The following GFPT2 variants were observed in gnomAD, a reference collection of about 807,000 sequenced individuals.
The protein encoded by GFPT2 is glutamine--fructose-6-phosphate transaminase 2, also known as glutamine--fructose-6-phosphate aminotransferase [isomerizing] 2.
In GFPT2, 62 loss-of-function variants were observed where a neutral mutation model predicts 85.6. The observed-to-expected ratio is 0.72, with a 90% CI of 0.59 to 0.90. GFPT2 has a LOEUF of 0.90. Ranked by LOEUF, GFPT2 falls within the 40% of genes least tolerant of loss-of-function variation. The pLI is 0.00. For missense variants in GFPT2, 788 were observed against 893.4 expected, an observed-to-expected ratio of 0.88 and a Z score of 1.50; for synonymous variants, 368 against 344.5, an observed-to-expected ratio of 1.07 and a Z score of -0.75.
intron 13 of GFPT2, among the ~76,000 whole-genome samples, chr5:180,315,942 C>T (rs1304916871): frequency 1.3e-5 from 2 of 152,258 alleles, no homozygotes; most frequent in African/African-American, 2.4e-5. Context: ...AGAGCCCATA[C>T]TGGGTCCTCC....
intron 1 of GFPT2, among the ~76,000 whole-genome samples, chr5:180,347,623 G>C (rs1764634533): frequency 6.6e-6 from 1 of 151,948 alleles, no homozygotes; most frequent in Non-Finnish European, 1.5e-5. Context: ...GATCACACAG[G>C]AAGTCAGGAG....
chr5:180,346,124 C>T (rs1038111640), intron 1 of GFPT2, among the ~76,000 whole-genome samples: 8 of 152,112 alleles, frequency 5.3e-5, no homozygotes, highest in African/African-American at 1.4e-4. Flanking sequence ...CAACCCTTCC[C>T]GAGCTTCACC....
At position 180,301,369 on chromosome 5, in the gene GFPT2, G is replaced by A. The variant is rs577128473; in HGVS notation, c.*195C>T. 11 of 611,886 alleles carry A rather than the reference G, an allele frequency of 1.8e-5. No homozygotes were observed. Among genetic ancestry groups the A allele is most frequent in the African/African-American group, 5.5e-5 (3 of 54,378 alleles). The allele number at this position is 611,886 out of a possible 1,614,324, so 37.9% of individuals were successfully genotyped here. A position where few individuals can be genotyped will look rare whatever the true frequency, so the allele number is the denominator to read the frequency against. On this transcript the variant is annotated 3_prime_UTR_variant, in exon 19 of 19. Coordinates refer to ENST00000253778, the MANE Select transcript of GFPT2 (RefSeq NM_005110.4). ...AACAATGATTCCCTTCTCCTCTGGC[G>A]ACTTCAGGACACAGAGAAACAGTAT...
chr5:180,350,905 C>T (rs543155643), intron 1 of GFPT2, among the ~76,000 whole-genome samples: 2 of 152,190 alleles, frequency 1.3e-5, no homozygotes, highest in African/African-American at 2.4e-5. Flanking sequence ...CTTAGGTCTC[C>T]GCCCCTGAGG....
Position 180,318,975 on chromosome 5 carries a change from G to C in GFPT2, c.795-19C>G, listed in dbSNP as rs1288735937. On this transcript the variant is annotated intron_variant, in intron 9 of 18. Transcript: ENST00000253778. The surrounding 1 kb of genome is among the most constrained non-coding windows in gnomAD (Gnocchi z 4.2). The stretch of plus-strand genomic sequence containing the variant: ...GATAGCGCTGGGGCAAGGGAAACAG[G>C]CATCATCAGTGCCCTGCCCTGAGCA... 6.2e-7 allele frequency: 1 copy of C among 1,609,326 alleles called. No homozygotes were observed.
At chr5:180,327,986 T>C (rs961389458) in intron 7 of GFPT2, among the ~76,000 whole-genome samples, 1 of 152,192 alleles carries the variant, frequency 6.6e-6, no homozygotes, top group African/African-American at 2.4e-5. Flanking sequence ...CTGCCCTGTC[T>C]GTACGATTTT....
chr5:180,345,364 C>G (rs1244559174), intron 1 of GFPT2, among the ~76,000 whole-genome samples: 1 of 152,234 alleles, frequency 6.6e-6, no homozygotes, highest in African/African-American at 2.4e-5. Context: ...TGGGATGGAC[C>G]CATCGGGGGG....
chr5:180,335,432 A>G, intron 4 of GFPT2, among the ~76,000 whole-genome samples: 1 of 152,200 alleles, frequency 6.6e-6, no homozygotes, highest in South Asian at 2.1e-4. Context: ...TAGCTGCATA[A>G]GGACAGAACC....
At chr5:180,312,577 A>G (rs1239800700) in intron 14 of GFPT2, 33 bp from the exon 15 acceptor site, 2 of 1,117,670 alleles carry the variant, frequency 1.8e-6, no homozygotes, top group Non-Finnish European at 2.7e-6. Context: ...CAGGGACCTT[A>G]TTTTCACTTT....
At position 180,345,078 on chromosome 5, in the gene GFPT2, C is replaced by G. The variant is rs559273680; in HGVS notation, c.8-6478G>C. On this transcript the variant is annotated intron_variant, in intron 1 of 18. Coordinates refer to ENST00000253778, the MANE Select transcript of GFPT2 (RefSeq NM_005110.4). ...TCCAGCAAGCCACTGAATGTTCGGA[C>G]CTCAGTTTCCCTGTCAGTGAAACAG... is the stretch of plus-strand genomic sequence containing the variant. Among the ~76,000 whole-genome samples the G allele has an allele frequency of 7.2e-5, 11 of 152,380 alleles. No individual in the cohort carries two copies. In the South Asian group the frequency reaches 2.3e-3, roughly 32 times the overall value.
Position 180,330,966 on chromosome 5 carries a change from GA to G in GFPT2, c.400-133del. ...AGAACAGGGAAAACCGGGAAGGGGG[GA>G]AAAATGTTTGCCAGCATCACAGCCA... On this transcript the variant is annotated intron_variant, in intron 5 of 18. Coordinates refer to ENST00000253778, the MANE Select transcript of GFPT2 (RefSeq NM_005110.4). This position sits in a 1 kb window ranked among gnomAD's most constrained non-coding sequence, Gnocchi z 4.4. 9 of 796,648 alleles carry G rather than the reference GA, an allele frequency of 1.1e-5. No homozygotes were observed. Among genetic ancestry groups the G allele is most frequent in the South Asian group, 1.9e-5 (1 of 53,508 alleles). The allele number at this position is 796,648 out of a possible 1,614,324, so 49.3% of individuals were successfully genotyped here.
At chr5:180,347,907 G>A (rs1481747854) in intron 1 of GFPT2, among the ~76,000 whole-genome samples, 2 of 152,134 alleles carry the variant, frequency 1.3e-5, no homozygotes, top group Non-Finnish European at 2.9e-5. Flanking sequence ...TTCTGATTCT[G>A]GTGACGCTTG....
At chr5:180,312,616 G>T (rs1433756551) in intron 14 of GFPT2, 72 bp from the exon 15 acceptor site, 3 of 820,732 alleles carry the variant, frequency 3.7e-6, no homozygotes, top group Non-Finnish European at 6.4e-6. Flanking sequence ...TTGAGACAGG[G>T]TCTACTCTGT....
In GFPT2 at chr5:180,313,971, C is replaced by T; in HGVS notation, c.1274-7G>A. On this transcript the variant is annotated splice_polypyrimidine_tract_variant and splice_region_variant and intron_variant, in intron 13 of 18. Coordinates refer to ENST00000253778, the MANE Select transcript of GFPT2 (RefSeq NM_005110.4). ...AGGGTGTCCGCGGTCTCGCCTGCCGCCCAGGGGCCCTCTCAGTGCCGCGCT... is the reference window on the plus strand; with the variant it reads ...AGGGTGTCCGCGGTCTCGCCTGCCGTCCAGGGGCCCTCTCAGTGCCGCGCT... 3 of 1,590,142 alleles carry T rather than the reference C, an allele frequency of 1.9e-6. No homozygotes were observed. Among genetic ancestry groups the T allele is most frequent in the Non-Finnish European group, 2.6e-6 (3 of 1,174,934 alleles).
chr5:180,346,108 G>A (rs983110830), intron 1 of GFPT2, among the ~76,000 whole-genome samples: 2 of 152,096 alleles, frequency 1.3e-5, no homozygotes, highest in Non-Finnish European at 2.9e-5. Context: ...GTGGCTCCCC[G>A]CATGCCAACC....
chr5:180,305,126 C>T lies in GFPT2; in HGVS notation c.1675-187G>A, dbSNP rs145839746. Among the ~76,000 whole-genome samples the T allele has an allele frequency of 2.6e-4, 39 of 152,208 alleles. No individual in the cohort carries two copies. In the East Asian group the frequency reaches 7.6e-3, roughly 30 times the overall value. ...CACCCAGCAAGGGCCTGGGGAGAGG[C>T]CTGGCTACCATCCAGAGCATGCACC... On this transcript the variant is annotated intron_variant, in intron 16 of 18. Transcript: ENST00000253778.
In GFPT2 at chr5:180,318,622, C is replaced by T; in HGVS notation, c.958+171G>A. On this transcript the variant is annotated intron_variant, in intron 10 of 18. Coordinates refer to ENST00000253778, the MANE Select transcript of GFPT2 (RefSeq NM_005110.4). The surrounding 1 kb of genome is among the most constrained non-coding windows in gnomAD (Gnocchi z 4.2). ...CCCCGCTTGGAGGTGCCAGGCCAGC[C>T]TCCCCACATCCCCTCACCTGTGCAA... 1.7e-6 allele frequency: 1 copy of T among 601,322 alleles called. No individual in the cohort carries two copies. Among genetic ancestry groups the T allele is most frequent in the East Asian group, 2.8e-5 (1 of 35,704 alleles). The allele number at this position is 601,322 out of a possible 1,614,324, so 37.2% of individuals were successfully genotyped here.
chr5:180,336,509 TC>T lies in GFPT2; in HGVS notation c.183del (p.Val63SerfsTer16), dbSNP rs1451125960. The T allele has an allele frequency of 1.2e-6, 2 of 1,609,018 alleles. No homozygotes were observed. The highest frequency in any genetic ancestry group is 1.7e-6 in the Non-Finnish European group (2 of 1,175,284). On this transcript the variant is annotated frameshift_variant, in exon 3 of 19. Transcript: ENST00000253778. LOFTEE classifies it high-confidence loss of function. ...AGTTCTTCATCGAGAGCCTTGACTT[TC>T]CCCCTTTTCTTGACCAGCTGAATGT... ...ERHIQLVKKRGKVKALDEELY... is the reference protein window; with the variant it reads ...ERHIQLVKKRXKVKALDEELY...
chr5:180,314,050 C>A, intron 13 of GFPT2, 86 bp from the exon 14 acceptor site: 3 of 1,367,372 alleles, frequency 2.2e-6, no homozygotes, highest in Admixed American at 2.7e-5. Context: ...CCGGCTCTTA[C>A]AGGGAAATCG....
Sources: gnomAD v4.1 joint callset for allele counts (sites outside exome capture counted in the v4.1 genomes callset) on GRCh38, gnomAD v4.1.1 for gene constraint, Gnocchi (gnomAD v3.1) non-coding constraint, MANE v1.5 for transcripts, NCBI Gene and HGNC (gene_info 2026-07-23, HGNC 2026-07-21) for gene names.